Variants in LCMT1 observed in about 807,000 individuals in gnomAD.
The protein encoded by LCMT1 is leucine carboxyl methyltransferase 1.
Under a neutral mutation model 47.7 loss-of-function variants are expected in LCMT1, and 32 were observed. That is an observed-to-expected ratio of 0.67 (90% CI 0.51 to 0.90). The LOEUF (loss-of-function observed/expected upper bound fraction) is 0.90, where lower values mean the gene tolerates loss of function less well. Ranked by LOEUF, LCMT1 falls within the 40% of genes least tolerant of loss-of-function variation. The pLI, the probability that LCMT1 is intolerant of heterozygous loss-of-function variation, is 0.00. For synonymous variants in LCMT1, 152 were observed against 149.7 expected (o/e 1.02, Z -0.11); for missense variants, 375 against 415.2 (o/e 0.90, Z 0.84).
At chr16:25,143,805 T>A (rs1317342425) in intron 4 of LCMT1, 3 of 152,260 alleles carry the variant, frequency 2.0e-5, no homozygotes, top group Non-Finnish European at 4.4e-5. Flanking sequence ...CAGAATTCCA[T>A]AAAACATGTC....
At chr16:25,116,156 G>A (rs894803510) in intron 1 of LCMT1, among the ~76,000 whole-genome samples, 4 of 152,170 alleles carry the variant, frequency 2.6e-5, no homozygotes, top group African/African-American at 9.7e-5. Flanking sequence ...AGACCTTTAG[G>A]ATATGGGCTT....
At chr16:25,139,923 G>A in intron 3 of LCMT1, 1 of 451,190 alleles carries the variant, frequency 2.2e-6, no homozygotes, top group South Asian at 3.1e-5. Context: ...TGCTAGCTCA[G>A]GCTCCTTCCT....
chr16:25,163,502 G>A (rs970497654), intron 6 of LCMT1, among the ~76,000 whole-genome samples: 1 of 149,098 alleles, frequency 6.7e-6, no homozygotes, highest in Admixed American at 6.7e-5. Flanking sequence ...TAATATATAT[G>A]TGTATATGTA....
chr16:25,140,187 C>T lies in LCMT1; in HGVS notation c.344C>T (p.Pro115Leu). Reference protein sequence around the residue: ...FWRLKDEDLLPSKYFEVDFPM... With the variant: ...FWRLKDEDLLLSKYFEVDFPM... ...TTTCCCCAGGATGAAGATCTTCTCC[C>T]AAGTAAATATTTTGAGGTTGACTTT... The change falls in exon 4 of 11, where the codon CCA (proline) becomes CTA (leucine). Residue 115 changes from proline (P) to leucine (L), a missense_variant. Physicochemically the swap from Pro to Leu is moderately conservative, Grantham distance 98. Transcript: ENST00000399069. 1 of 1,608,416 alleles carries T rather than the reference C, an allele frequency of 6.2e-7. No homozygotes were observed. Among genetic ancestry groups the T allele is most frequent in the Non-Finnish European group, 8.5e-7 (1 of 1,176,920 alleles).
chr16:25,163,857 C>A (rs766206378), intron 6 of LCMT1, among the ~76,000 whole-genome samples: 5 of 152,126 alleles, frequency 3.3e-5, no homozygotes, highest in Non-Finnish European at 7.4e-5. Context: ...GCTGGGTGTT[C>A]TGCAGTTTGG....
intron 5 of LCMT1, among the ~76,000 whole-genome samples, chr16:25,152,024 T>C (rs1039546570): frequency 3.9e-5 from 6 of 152,244 alleles, no homozygotes; most frequent in African/African-American, 1.2e-4. Flanking sequence ...ATAGGTCCCA[T>C]GTATAAAAAA....
intron 4 of LCMT1, chr16:25,147,780 C>T (rs926652452): frequency 1.3e-5 from 2 of 152,194 alleles, no homozygotes; most frequent in Non-Finnish European, 2.9e-5. Flanking sequence ...CAGCCTCAAC[C>T]TCCTGGACTT....
intron 9 of LCMT1, among the ~76,000 whole-genome samples, chr16:25,174,341 A>T (rs1022522184): frequency 6.0e-5 from 9 of 151,226 alleles, no homozygotes; most frequent in African/African-American, 2.2e-4. Context: ...CTGGTCTACT[A>T]CCTTCTCTCT....
At chr16:25,114,561 G>A (rs1959727974) in intron 1 of LCMT1, among the ~76,000 whole-genome samples, 1 of 152,018 alleles carries the variant, frequency 6.6e-6, no homozygotes, top group African/African-American at 2.4e-5. Context: ...CTATGCCACT[G>A]AGTCTGTTCT....
At chr16:25,132,668 A>T (rs1004378554) in intron 3 of LCMT1, 145 bp downstream of exon 3, 1 of 758,746 alleles carries the variant, frequency 1.3e-6, no homozygotes, top group African/African-American at 1.8e-5. Flanking sequence ...AGATGCCCCT[A>T]CGACTCTCAG....
intron 1 of LCMT1, among the ~76,000 whole-genome samples, chr16:25,121,656 C>T (rs779297050): frequency 1.4e-4 from 22 of 152,094 alleles, no homozygotes; most frequent in Non-Finnish European, 2.2e-4. Context: ...GAAGCAAGTA[C>T]CTTCTTCAGA....
At position 25,128,471 on chromosome 16, in the gene LCMT1, C is replaced by A. The variant is rs776056934; in HGVS notation, c.114-4C>A. On this transcript the variant is annotated splice_polypyrimidine_tract_variant and splice_region_variant and intron_variant, in intron 1 of 10. Transcript: ENST00000399069. The stretch of plus-strand genomic sequence containing the variant: ...TCACCTTCCTCCTTTTTTCTCCCTT[C>A]CAGGTTTGCAGTAAGCATTGGCTAC... 13 of 1,602,892 alleles carry A rather than the reference C, an allele frequency of 8.1e-6. No individual in the cohort carries two copies. The South Asian group carries it at 1.5e-4, about 18-fold the overall frequency.
intron 1 of LCMT1, among the ~76,000 whole-genome samples, chr16:25,116,717 CAAAAAAA>C (rs61022139): frequency 4.7e-5 from 3 of 63,528 alleles, no homozygotes; most frequent in African/African-American, 1.6e-4. Context: ...CTCCTCTCCA[CAAAAAAA>C]AAAAAAAAAA....
At chr16:25,115,369 TG>T (rs981871369) in intron 1 of LCMT1, among the ~76,000 whole-genome samples, 2 of 152,240 alleles carry the variant, frequency 1.3e-5, no homozygotes, top group African/African-American at 2.4e-5. Context: ...CCCAAAATGC[TG>T]GTTTAACCAA....
intron 4 of LCMT1, among the ~76,000 whole-genome samples, chr16:25,150,333 GTTTTTTTTTTT>G (rs35240331): frequency 4.3e-5 from 4 of 93,526 alleles, no homozygotes; most frequent in African/African-American, 8.7e-5. Context: ...TAGTTTTCTG[GTTTTTTTTTTT>G]TTTTTTTTTT....
intron 1 of LCMT1, among the ~76,000 whole-genome samples, chr16:25,120,507 A>G (rs1959941220): frequency 6.7e-6 from 1 of 149,234 alleles, no homozygotes; most frequent in Non-Finnish European, 1.5e-5. Context: ...TCACTGCAGC[A>G]TCTACCTCCC....
intron 7 of LCMT1, among the ~76,000 whole-genome samples, chr16:25,165,662 C>CGT (rs1458575315): frequency 2.6e-5 from 4 of 152,046 alleles, no homozygotes; most frequent in Non-Finnish European, 5.9e-5. Flanking sequence ...GGATCACAGG[C>CGT]GTGCACCATC....
chr16:25,167,787 G>A (rs1219884048), intron 7 of LCMT1, among the ~76,000 whole-genome samples: 2 of 152,094 alleles, frequency 1.3e-5, no homozygotes. Context: ...TTGAGATGGA[G>A]TCTTACTCTG....
At chr16:25,154,562 C>T (rs1961182386) in intron 5 of LCMT1, among the ~76,000 whole-genome samples, 2 of 149,174 alleles carry the variant, frequency 1.3e-5, no homozygotes, top group Non-Finnish European at 3.0e-5. Flanking sequence ...TCTCAGCTCA[C>T]TGCAAGCTCC....
Sources: allele counts gnomAD v4.1 joint callset (sites outside exome capture counted in the v4.1 genomes callset), GRCh38; gene constraint gnomAD v4.1.1; transcripts MANE v1.5; gene names NCBI Gene and HGNC (gene_info 2026-07-23, HGNC 2026-07-21).